The following FGD6 variants were observed in gnomAD, a reference collection of about 807,000 sequenced individuals.
The protein encoded by FGD6 is FYVE, RhoGEF and PH domain containing 6.
Under a neutral mutation model 149.4 loss-of-function variants are expected in FGD6, and 90 were observed. That is an observed-to-expected ratio of 0.60 (90% confidence interval 0.51 to 0.72). The LOEUF is 0.72. Ranked by LOEUF, FGD6 falls within the 30% of genes least tolerant of loss-of-function variation. FGD6 has a pLI of 0.00. For synonymous variants in FGD6, 527 were observed against 584.0 expected, an observed-to-expected ratio of 0.90 and a Z score of 1.41; for missense variants, 1,437 against 1,684.8, an observed-to-expected ratio of 0.85 and a Z score of 2.57.
At chr12:95,196,923 G>A (rs1881749319) in intron 2 of FGD6, among the ~76,000 whole-genome samples, 1 of 152,084 alleles carries the variant, frequency 6.6e-6, no homozygotes, top group African/African-American at 2.4e-5. Context: ...ACAGGCATAA[G>A]CCACCAGAGC....
intron 14 of FGD6, among the ~76,000 whole-genome samples, chr12:95,103,894 G>T (rs1878527043): frequency 6.6e-6 from 1 of 152,166 alleles, no homozygotes; most frequent in African/African-American, 2.4e-5. Context: ...TGTCAAATAT[G>T]TATCCGTAAG....
chr12:95,189,653 G>GAAAAAAAAAAAAAAAAAATAAAAAA, intron 2 of FGD6: 1 of 124,098 alleles, frequency 8.1e-6, no homozygotes, highest in Non-Finnish European at 1.7e-5. Context: ...TGTTTCATAG[G>GAAAAAAAAAAAAAAAAAATAAAAAA]AAAAAAAAAA....
At chr12:95,173,664 T>C (rs1053596641) in intron 2 of FGD6, among the ~76,000 whole-genome samples, 4 of 152,142 alleles carry the variant, frequency 2.6e-5, no homozygotes, top group Non-Finnish European at 4.4e-5. Context: ...CAGGAGCCAA[T>C]TGCCTGTAGC....
intron 5 of FGD6, among the ~76,000 whole-genome samples, chr12:95,143,607 G>T (rs1008785756): frequency 1.3e-5 from 2 of 151,968 alleles, no homozygotes; most frequent in Non-Finnish European, 2.9e-5. Flanking sequence ...AAACCACTCA[G>T]AACATCTCCA....
At chr12:95,203,700 G>C (rs944021906) in intron 2 of FGD6, among the ~76,000 whole-genome samples, 2 of 152,006 alleles carry the variant, frequency 1.3e-5, no homozygotes, top group African/African-American at 2.4e-5. Flanking sequence ...ATAAATCGAG[G>C]GTTTGCTAAG....
chr12:95,141,681 C>A (rs551680860), intron 5 of FGD6, 142 bp from the exon 6 acceptor site: 1 of 892,634 alleles, frequency 1.1e-6, no homozygotes, highest in Non-Finnish European at 1.7e-6. Context: ...TAAAGTACCC[C>A]CTTCCTCCTA....
At chr12:95,138,625 T>G (rs138185441) in intron 6 of FGD6, among the ~76,000 whole-genome samples, 2 of 152,136 alleles carry the variant, frequency 1.3e-5, no homozygotes, top group East Asian at 3.9e-4. Flanking sequence ...ACACTTCTCT[T>G]CCTCTTCCCC....
intron 5 of FGD6, among the ~76,000 whole-genome samples, chr12:95,152,368 G>T (rs1880337013): frequency 6.6e-6 from 1 of 152,064 alleles, no homozygotes; most frequent in African/African-American, 2.4e-5. Flanking sequence ...TTAAAAAACA[G>T]AAAATAGAAC....
chr12:95,164,742 T>C (rs1162479749), intron 3 of FGD6, among the ~76,000 whole-genome samples: 2 of 152,184 alleles, frequency 1.3e-5, no homozygotes, highest in Non-Finnish European at 2.9e-5. Context: ...ATCCATTACT[T>C]TTTAATAGAA....
At chr12:95,110,863 T>C (rs1053856202) in intron 9 of FGD6, among the ~76,000 whole-genome samples, 5 of 152,142 alleles carry the variant, frequency 3.3e-5, no homozygotes, top group Non-Finnish European at 7.4e-5. Context: ...GTGATTCTAC[T>C]TTCCCCACGT....
chr12:95,079,339 C>T lies in FGD6; in HGVS notation c.*2181G>A, dbSNP rs1042525958. The T allele has an allele frequency of 6.6e-6, 1 of 152,186 alleles. No homozygotes were observed. Among genetic ancestry groups the T allele is most frequent in the African/African-American group, 2.4e-5 (1 of 41,438 alleles). 9.4% of individuals were successfully genotyped at this position (152,186 alleles called of 1,614,324 possible). On this transcript the variant is annotated 3_prime_UTR_variant, in exon 21 of 21. Coordinates refer to ENST00000343958, the MANE Select transcript of FGD6 (RefSeq NM_018351.4). ...TAATTAAAGAGACTGTAAGTTTGTG[C>T]CAGATTTCTTCCCTCTCTCACTCTC...
At chr12:95,148,758 T>C (rs56008736) in intron 5 of FGD6, among the ~76,000 whole-genome samples, 1,227 of 17,344 alleles carry the variant, frequency 0.071, 203 homozygotes, top group African/African-American at 0.29. Flanking sequence ...ATACATAGCA[T>C]ATGTTATATT....
intron 1 of FGD6, 143 bp from the exon 2 acceptor site, chr12:95,211,410 CTCCTGAAAAT>C (rs1420369519): frequency 1.0e-6 from 1 of 980,112 alleles, no homozygotes; most frequent in African/African-American, 1.7e-5. Context: ...ATCAATATTA[CTCCTGAAAAT>C]TCCTTAAATT....
At chr12:95,141,688 C>T in intron 5 of FGD6, 149 bp from the exon 6 acceptor site, 1 of 796,392 alleles carries the variant, frequency 1.3e-6, no homozygotes, top group Non-Finnish European at 1.9e-6. Flanking sequence ...CCCCCTTCCT[C>T]CTACCCCACT....
At chr12:95,100,748 G>A (rs1878399803) in intron 14 of FGD6, 1 of 507,170 alleles carries the variant, frequency 2.0e-6, no homozygotes, top group African/African-American at 2.0e-5. Flanking sequence ...CTTGCCTGGA[G>A]CAAGGATATC....
chr12:95,196,887 C>G lies in FGD6; in HGVS notation c.2441+11956G>C, dbSNP rs896273716. ...ACTCCTGCCTCAAGTGATCCTCCTG[C>G]TTTGGCCTCCCAAAGTGCTGGGATT... On this transcript the variant is annotated intron_variant, in intron 2 of 20. Transcript: ENST00000343958. Among the ~76,000 whole-genome samples, 3 of 152,152 alleles carry G rather than the reference C, an allele frequency of 2.0e-5. No individual in the cohort carries two copies. In the South Asian group the frequency reaches 6.2e-4, roughly 32 times the overall value.
chr12:95,150,940 C>T (rs1334667749), intron 5 of FGD6, among the ~76,000 whole-genome samples: 2 of 151,884 alleles, frequency 1.3e-5, no homozygotes, highest in East Asian at 3.9e-4. Context: ...ACTAAAAATA[C>T]AACAAATTAG....
intron 2 of FGD6, among the ~76,000 whole-genome samples, chr12:95,192,870 T>C (rs1000953856): frequency 6.6e-6 from 1 of 152,186 alleles, no homozygotes; most frequent in Non-Finnish European, 1.5e-5. Flanking sequence ...TGTTTTGGAA[T>C]GTAGAATGTG....
Position 95,208,916 on chromosome 12 carries a change from C to A in FGD6, c.2368G>T (p.Val790Leu). The change falls in exon 2 of 21, where the codon GTG becomes TTG. Residue 790 changes from valine to leucine, a missense_variant. This residue lies in a region of FGD6 where 1,055 missense variants were observed against 1,146.0 expected (regional missense o/e 0.92). Transcript: ENST00000343958. ...SSSMEDADAN[V>L]YEVEEPYEAP... ...TCATACGGCTCTTCTACCTCATACA[C>A]ATTTGCATCAGCGTCCTCCATGCTG... The A allele has an allele frequency of 6.2e-7, 1 of 1,614,152 alleles. No individual in the cohort carries two copies.
Sources: gnomAD v4.1 joint callset for allele counts (sites outside exome capture counted in the v4.1 genomes callset) on GRCh38, gnomAD v4.1.1 for gene constraint, gnomAD v4.1.1 regional missense constraint, MANE v1.5 for transcripts, NCBI Gene and HGNC (gene_info 2026-07-23, HGNC 2026-07-21) for gene names.